Variants in ZNF233 observed in about 807,000 individuals in gnomAD.
ZNF233 encodes zinc finger protein 233.
ZNF233 carries 7 observed loss-of-function variants against 11.6 expected under a neutral mutation model. That is an observed-to-expected ratio of 0.60 (90% CI 0.34 to 1.13). The LOEUF is 1.13. Ranked by LOEUF, ZNF233 falls within the 50% of genes most tolerant of loss-of-function variation. The pLI, the probability that ZNF233 is intolerant of heterozygous loss-of-function variation, is 0.03. For synonymous variants in ZNF233, 226 were observed against 268.5 expected, an observed-to-expected ratio of 0.84 and a Z score of 1.55; for missense variants, 711 against 785.5, an observed-to-expected ratio of 0.91 and a Z score of 1.13.
At position 44,274,646 on chromosome 19, in the gene ZNF233, G is replaced by A. The variant is rs2884016; in HGVS notation, c.1986G>A (p.Leu662=). 210,626 of 1,599,444 alleles carry A rather than the reference G, an allele frequency of 0.13. 15,407 individuals carry two copies. The highest frequency in any genetic ancestry group is 0.29 in the Admixed American group (17,189 of 59,200). ...VCGKGFSKSS[L]SSDSSESP The stretch of plus-strand genomic sequence containing the variant: ...GTAAGGGCTTTAGTAAGAGTTCGTT[G>A]TCTTCAGATTCATCAGAGAGTCCAT... The change falls in exon 5 of 5, where the codon TTG becomes TTA. Residue 662 remains leucine (L), a synonymous_variant. Transcript: ENST00000683810.
chr19:44,263,971 T>C (rs1383379798), intron 1 of ZNF233, among the ~76,000 whole-genome samples: 1 of 152,072 alleles, frequency 6.6e-6, no homozygotes, highest in Admixed American at 6.5e-5. Flanking sequence ...AATGGGGAGG[T>C]TAATTAGCTT....
intron 1 of ZNF233, among the ~76,000 whole-genome samples, chr19:44,260,920 G>A (rs929324642): frequency 6.6e-6 from 1 of 152,206 alleles, no homozygotes; most frequent in Non-Finnish European, 1.5e-5. Context: ...TTAATACGTT[G>A]AGTGCCAGGG....
intron 1 of ZNF233, 109 bp downstream of exon 1, chr19:44,260,047 G>A (rs978809657): frequency 6.4e-5 from 24 of 375,912 alleles, no homozygotes; most frequent in Admixed American, 6.1e-4. Context: ...AGAGGGCGGG[G>A]ACGACGGTTT....
intron 1 of ZNF233, among the ~76,000 whole-genome samples, chr19:44,260,830 G>A (rs1192135449): frequency 1.3e-5 from 2 of 152,116 alleles, no homozygotes; most frequent in Non-Finnish European, 2.9e-5. Context: ...TTTTCCTGCT[G>A]GGCAAATGCT....
Position 44,266,226 on chromosome 19 carries a change from T to C in ZNF233, c.44T>C (p.Val15Ala). ...ATGGTGACATTCAAGGATGTGGCTG[T>C]GGTCTTCACCAGGGAGGAGCTGGGG... ...QEMVTFKDVA[V>A]VFTREELGLL... Residue 15 changes from valine (V) to alanine (A), a missense_variant, in exon 3 of 5, where the codon GTG becomes GCG. Transcript: ENST00000683810. 6.2e-7 allele frequency: 1 copy of C among 1,611,854 alleles called. No homozygotes were observed. The highest frequency in any genetic ancestry group is 8.5e-7 in the Non-Finnish European group (1 of 1,178,912).
At position 44,273,525 on chromosome 19, in the gene ZNF233, G is replaced by T; in HGVS notation, c.865G>T (p.Val289Phe). Residue 289 changes from valine (V) to phenylalanine (F), a missense_variant, in exon 5 of 5, where the codon GTT becomes TTT. Val to Phe is a conservative substitution (Grantham distance 50). Coordinates refer to ENST00000683810, the MANE Select transcript of ZNF233 (RefSeq NM_001207005.2). ...CTTAAGAGACAAGCCTCATGTAAAT[G>T]TTGAGTACGGGAAGGGCATAGGTTA... ...LHLRDKPHVN[V>F]EYGKGIGYSS... 6.2e-7 allele frequency: 1 copy of T among 1,614,232 alleles called. No homozygotes were observed. Among genetic ancestry groups the T allele is most frequent in the South Asian group, 1.1e-5 (1 of 91,084 alleles).
rs1012318698 is a variant in ZNF233, at chr19:44,265,396, C to T, written c.16-802C>T. ...ACACACACACACACACACACACACA[C>T]ACACACACACACACCACGGTTTCTT... On this transcript the variant is annotated intron_variant, in intron 2 of 4. Coordinates refer to ENST00000683810, the MANE Select transcript of ZNF233 (RefSeq NM_001207005.2). Among the ~76,000 whole-genome samples, 11 of 151,156 alleles carry T rather than the reference C, an allele frequency of 7.3e-5. No homozygotes were observed. In the South Asian group the frequency reaches 1.3e-3, roughly 17 times the overall value.
chr19:44,268,093 A>G (rs957240191), intron 4 of ZNF233: 10 of 152,342 alleles, frequency 6.6e-5, no homozygotes, highest in South Asian at 6.2e-4. Context: ...GCTCACAGCT[A>G]TAACTGTGCC....
Position 44,274,894 on chromosome 19 carries a change from TGTC to T in ZNF233, c.*222_*224del, listed in dbSNP as rs1975352216. 1 of 487,006 alleles carries T rather than the reference TGTC, an allele frequency of 2.1e-6. No homozygotes were observed. Among genetic ancestry groups the T allele is most frequent in the Admixed American group, 3.7e-5 (1 of 27,236 alleles). The allele number at this position is 487,006 out of a possible 1,614,324, so 30.2% of individuals were successfully genotyped here. On this transcript the variant is annotated 3_prime_UTR_variant, in exon 5 of 5. Coordinates refer to ENST00000683810, the MANE Select transcript of ZNF233 (RefSeq NM_001207005.2). ...CAAGCAGAGCCCAAAATGTCACAGT[TGTC>T]AAGAGAACACACAACAGAGAAACCC...
Position 44,273,174 on chromosome 19 carries a change from C to A in ZNF233, c.514C>A (p.Gln172Lys). 1.9e-6 allele frequency: 3 copies of A among 1,613,768 alleles called. No individual in the cohort carries two copies. The highest frequency in any genetic ancestry group is 2.5e-6 in the Non-Finnish European group (3 of 1,180,008). ...GGAGAGTTCAAATAGCATAAAAAAT[C>A]AAGAGCTTCCATTGAGGACCACCTG... is the stretch of plus-strand genomic sequence containing the variant. Reference protein sequence around the residue: ...QGESSNSIKNQELPLRTTWDF... With the variant: ...QGESSNSIKNKELPLRTTWDF... Residue 172 changes from glutamine to lysine, a missense_variant, in exon 5 of 5, where the codon CAA becomes AAA. Gln to Lys is a moderately conservative substitution (Grantham distance 53). Coordinates refer to ENST00000683810, the MANE Select transcript of ZNF233 (RefSeq NM_001207005.2).
In ZNF233 at chr19:44,273,672, G is replaced by A. The variant is rs1177765191; in HGVS notation, c.1012G>A (p.Gly338Arg). Residue 338 changes from glycine (G) to arginine (R), a missense_variant, in exon 5 of 5, where the codon GGA becomes AGA. By Grantham distance (125) the Gly-to-Arg change is moderately radical (BLOSUM62 -2). Transcript: ENST00000683810. ...HLQPHQRVST[G>R]ENLYRCQVYA... The stretch of plus-strand genomic sequence containing the variant: ...GCAACCTCATCAGAGAGTCAGCACA[G>A]GAGAGAACCTCTACAGATGTCAGGT... 1 of 1,614,068 alleles carries A rather than the reference G, an allele frequency of 6.2e-7. No individual in the cohort carries two copies. Among genetic ancestry groups the A allele is most frequent in the Admixed American group, 1.7e-5 (1 of 59,998 alleles).
intron 4 of ZNF233, among the ~76,000 whole-genome samples, chr19:44,270,693 A>C (rs1975214426): frequency 6.6e-6 from 1 of 152,188 alleles, no homozygotes; most frequent in African/African-American, 2.4e-5. Context: ...CTGGACTGGG[A>C]CTGAAGGACC....
At position 44,273,908 on chromosome 19, in the gene ZNF233, T is replaced by A; in HGVS notation, c.1248T>A (p.His416Gln). The change falls in exon 5 of 5, where the codon CAT (histidine) becomes CAA (glutamine). Residue 416 changes from histidine (H) to glutamine (Q), a missense_variant. Physicochemically the swap from His to Gln is conservative, Grantham distance 24. Transcript: ENST00000683810. The stretch of plus-strand genomic sequence containing the variant: ...GTCAGACATCACAACTTCAAGCCCA[T>A]CAGAGAGGTCACTCTAGAGACAAGA... ...GFSQTSQLQA[H>Q]QRGHSRDKTY... 1 of 1,614,176 alleles carries A rather than the reference T, an allele frequency of 6.2e-7. No homozygotes were observed. The highest frequency in any genetic ancestry group is 2.2e-5 in the East Asian group (1 of 44,882).
At position 44,273,420 on chromosome 19, in the gene ZNF233, C is replaced by T. The variant is rs1856904247; in HGVS notation, c.760C>T (p.Gln254Ter). The T allele has an allele frequency of 1.4e-5, 22 of 1,614,166 alleles. No individual in the cohort carries two copies. The highest frequency in any genetic ancestry group is 1.9e-5 in the Non-Finnish European group (22 of 1,180,040). The change falls in exon 5 of 5, where the codon CAA (glutamine) becomes TAA (stop). Residue 254 changes from glutamine (Q) to a stop codon, truncating the protein, a stop_gained. Transcript: ENST00000683810. LOFTEE classifies it low-confidence loss of function (END_TRUNC). ...GGAATCATCCCAGCATAGCATAATC[C>T]AATCAGGAGAGCAAACCTCTGATGA... Reference protein sequence around the residue: ...VKESSQHSIIQSGEQTSDENG... With the variant: ...VKESSQHSII
chr19:44,268,447 G>A (rs1975152285), intron 4 of ZNF233, among the ~76,000 whole-genome samples: 1 of 152,136 alleles, frequency 6.6e-6, no homozygotes, highest in Admixed American at 6.6e-5. Flanking sequence ...CTCCTGGGCT[G>A]GGACTACAGG....
rs1044495664 is a variant in ZNF233, at chr19:44,274,114, G to A, written c.1454G>A (p.Cys485Tyr). The A allele has an allele frequency of 6.2e-7, 1 of 1,613,990 alleles. No homozygotes were observed. Among genetic ancestry groups the A allele is most frequent in the African/African-American group, 1.3e-5 (1 of 74,928 alleles). The change falls in exon 5 of 5, where the codon TGT (cysteine) becomes TAT (tyrosine). Residue 485 changes from cysteine (C) to tyrosine (Y), a missense_variant. Transcript: ENST00000683810. ...TGEKPYKCDV[C>Y]DKNFSRNSHL... Reference sequence around the variant, plus strand: ...GAGAAACCCTACAAATGTGATGTGTGTGATAAGAACTTCAGCCGTAATTCC... The same window carrying A: ...GAGAAACCCTACAAATGTGATGTGTATGATAAGAACTTCAGCCGTAATTCC...
At chr19:44,268,701 C>A (rs1423930145) in intron 4 of ZNF233, among the ~76,000 whole-genome samples, 1 of 152,136 alleles carries the variant, frequency 6.6e-6, no homozygotes, top group Admixed American at 6.6e-5. Context: ...GTGGTATCTG[C>A]GAGACTTTTG....
chr19:44,274,991 C>A lies in ZNF233; in HGVS notation c.*318C>A. 1 of 410,746 alleles carries A rather than the reference C, an allele frequency of 2.4e-6. No homozygotes were observed. The highest frequency in any genetic ancestry group is 4.3e-6 in the Non-Finnish European group (1 of 231,974). 25.4% of individuals were successfully genotyped at this position (410,746 alleles called of 1,614,324 possible). On this transcript the variant is annotated 3_prime_UTR_variant, in exon 5 of 5. Coordinates refer to ENST00000683810, the MANE Select transcript of ZNF233 (RefSeq NM_001207005.2). ...CAATAAGCAATATGCAGGAGTGAAG[C>A]CTTCAAAATGATAAGTAAGGTCAGA...
At chr19:44,264,799 AT>A (rs749716346) in intron 2 of ZNF233, among the ~76,000 whole-genome samples, 65 of 152,180 alleles carry the variant, frequency 4.3e-4, no homozygotes, top group Non-Finnish European at 7.6e-4. Context: ...GTTTTATATG[AT>A]TTAGTGTTCC....
Sources: gnomAD v4.1 joint callset for allele counts (sites outside exome capture counted in the v4.1 genomes callset) on GRCh38, gnomAD v4.1.1 for gene constraint, MANE v1.5 for transcripts, NCBI Gene and HGNC (gene_info 2026-07-23, HGNC 2026-07-21) for gene names.